DNAJC21: variants seen among roughly 807,000 people sequenced by gnomAD.
The protein encoded by DNAJC21 is dnaJ homolog subfamily C member 21.
In DNAJC21, 63 loss-of-function variants were observed where a neutral mutation model predicts 72.4. The observed-to-expected ratio is 0.87, with a 90% CI of 0.71 to 1.07. DNAJC21 has a LOEUF of 1.07. Among genes scored for constraint, DNAJC21 ranks in the 50% least tolerant of loss-of-function variants. The pLI is 0.00. For synonymous variants in DNAJC21, 203 were observed against 216.7 expected (o/e 0.94, Z 0.56); for missense variants, 634 against 644.8 (o/e 0.98, Z 0.18).
In DNAJC21 at chr5:34,955,522, A is replaced by G. The variant is rs1400445309; in HGVS notation, c.*808A>G. 1 of 142,990 alleles carries G rather than the reference A, an allele frequency of 7.0e-6. No individual in the cohort carries two copies. The highest frequency in any genetic ancestry group is 2.0e-4 in the East Asian group (1 of 4,938). The allele number at this position is 142,990 out of a possible 1,614,324, so 8.9% of individuals were successfully genotyped here. A position where few individuals can be genotyped will look rare whatever the true frequency, so the allele number is the denominator to read the frequency against. On this transcript the variant is annotated 3_prime_UTR_variant, in exon 12 of 12. Coordinates refer to ENST00000648817, the MANE Select transcript of DNAJC21 (RefSeq NM_001012339.3). ...TGTTCTTCATTGAGTTTTTTTCTTC[A>G]CTATTTTCAGAAGTTTTTGTTCTTT...
At chr5:34,930,150 C>T (rs558850987) in intron 1 of DNAJC21, 26 of 325,748 alleles carry the variant, frequency 8.0e-5, no homozygotes, top group Non-Finnish European at 1.4e-4. Context: ...GACCCCGGCC[C>T]CGCATCGCCA....
chr5:34,947,545 AAG>A (rs1765209602), intron 9 of DNAJC21, among the ~76,000 whole-genome samples: 1 of 151,464 alleles, frequency 6.6e-6, no homozygotes, highest in African/African-American at 2.4e-5. Flanking sequence ...TATTTTTTCT[AAG>A]AGGTTTGTTA....
chr5:34,954,398 A>AC (rs1466620768), intron 11 of DNAJC21, among the ~76,000 whole-genome samples, 155 bp from the exon 12 acceptor site: 1 of 152,198 alleles, frequency 6.6e-6, no homozygotes, highest in Non-Finnish European at 1.5e-5. Context: ...ACCTCCAAGA[A>AC]CATCTGCCTT....
intron 9 of DNAJC21, 86 bp from the exon 10 acceptor site, chr5:34,950,084 G>A (rs1561191567): frequency 2.8e-6 from 4 of 1,404,836 alleles, no homozygotes; most frequent in South Asian, 3.1e-5. Flanking sequence ...TTTCCCGAAG[G>A]TATATAACTA....
rs1190868129 is a variant in DNAJC21 at position 34,937,411 on chromosome 5, CT to C, written c.526del (p.Ser176GlnfsTer32). The C allele has an allele frequency of 6.2e-7, 1 of 1,613,962 alleles. No individual in the cohort carries two copies. The highest frequency in any genetic ancestry group is 8.5e-7 in the Non-Finnish European group (1 of 1,180,034). On this transcript the variant is annotated frameshift_variant, in exon 5 of 12. Coordinates refer to ENST00000648817, the MANE Select transcript of DNAJC21 (RefSeq NM_001012339.3). LOFTEE classifies it high-confidence loss of function. ...AAGGAAGAATATGATACACGACAGG[CT>C]TCAAACCGCTGGGAAAAACGAGCCA... The part of the protein sequence containing the change: ...AWKEEYDTRQ[A>X]SNRWEKRAME...
chr5:34,943,872 T>C (rs1198563748), intron 7 of DNAJC21, among the ~76,000 whole-genome samples: 3 of 152,218 alleles, frequency 2.0e-5, no homozygotes, highest in African/African-American at 7.2e-5. Flanking sequence ...CTCAAATTTT[T>C]CCAGAATTGG....
chr5:34,944,837 G>T (rs369012836), intron 7 of DNAJC21, 30 bp from the exon 8 acceptor site: 19 of 1,610,038 alleles, frequency 1.2e-5, no homozygotes, highest in Admixed American at 6.8e-5. Flanking sequence ...TAATTTTAGC[G>T]CAGCTGCTCA....
intron 5 of DNAJC21, among the ~76,000 whole-genome samples, 180 bp from the exon 6 acceptor site, chr5:34,938,678 C>T (rs1204683019): frequency 6.6e-6 from 1 of 152,198 alleles, no homozygotes; most frequent in Non-Finnish European, 1.5e-5. Flanking sequence ...ATTAACCATA[C>T]AACAGGTAAC....
At position 34,955,613 on chromosome 5, in the gene DNAJC21, C is replaced by G. The variant is rs1050684729; in HGVS notation, c.*899C>G. ...GAAAGATTTTGTGATAGAGCTGATGCTTATACATCTATTCTATAACAGTGA... is the reference window on the plus strand; with the variant it reads ...GAAAGATTTTGTGATAGAGCTGATGGTTATACATCTATTCTATAACAGTGA... On this transcript the variant is annotated 3_prime_UTR_variant, in exon 12 of 12. Transcript: ENST00000648817. 1.3e-5 allele frequency: 2 copies of G among 151,506 alleles called. No individual in the cohort carries two copies. Among genetic ancestry groups the G allele is most frequent in the Non-Finnish European group, 2.9e-5 (2 of 67,964 alleles). 9.4% of individuals were successfully genotyped at this position (151,506 alleles called of 1,614,324 possible).
At chr5:34,941,026 A>T in intron 6 of DNAJC21, 70 bp from the exon 7 acceptor site, 6 of 1,244,300 alleles carry the variant, frequency 4.8e-6, no homozygotes, top group Non-Finnish European at 1.1e-6. Context: ...TTTAATTTCT[A>T]ATTTGTTAGC....
At position 34,944,893 on chromosome 5, in the gene DNAJC21, A is replaced by G. The variant is rs771908306; in HGVS notation, c.1010A>G (p.Lys337Arg). 1 of 1,614,202 alleles carries G rather than the reference A, an allele frequency of 6.2e-7. No homozygotes were observed. Among genetic ancestry groups the G allele is most frequent in the Non-Finnish European group, 8.5e-7 (1 of 1,180,032 alleles). ...ATGAAGAATCACGAGAAGTCAAAGA[A>G]GCATCGGGAAATGGTGGCCTTGCTA... is the stretch of plus-strand genomic sequence containing the variant. ...KAMKNHEKSK[K>R]HREMVALLKQ... The change falls in exon 8 of 12, where the codon AAG becomes AGG. Residue 337 changes from lysine to arginine, a missense_variant. Lys to Arg is a conservative substitution (Grantham distance 26, BLOSUM62 2). Coordinates refer to ENST00000648817, the MANE Select transcript of DNAJC21 (RefSeq NM_001012339.3).
rs759788720 is a variant in DNAJC21 at position 34,935,695 on chromosome 5, A to G, written c.192-15A>G. Reference sequence around the variant, plus strand: ...TTATTCAGCCTTCACAATGATGCTAATTTTTGTTTTTCAGGTATGATAATC... The same window carrying G: ...TTATTCAGCCTTCACAATGATGCTAGTTTTTGTTTTTCAGGTATGATAATC... On this transcript the variant is annotated splice_polypyrimidine_tract_variant and intron_variant, in intron 2 of 11. Coordinates refer to ENST00000648817, the MANE Select transcript of DNAJC21 (RefSeq NM_001012339.3). 1.9e-6 allele frequency: 3 copies of G among 1,613,670 alleles called. No homozygotes were observed. Among genetic ancestry groups the G allele is most frequent in the South Asian group, 1.1e-5 (1 of 91,064 alleles).
Position 34,939,025 on chromosome 5 carries a change from T to C in DNAJC21, c.895+16T>C. The C allele has an allele frequency of 6.6e-7, 1 of 1,506,034 alleles. No individual in the cohort carries two copies. Among genetic ancestry groups the C allele is most frequent in the Non-Finnish European group, 8.8e-7 (1 of 1,130,292 alleles). 93.3% of individuals were successfully genotyped at this position (1,506,034 alleles called of 1,614,324 possible). A position where few individuals can be genotyped will look rare whatever the true frequency, so the allele number is the denominator to read the frequency against. Reference sequence around the variant, plus strand: ...GAGGAGGATGGTAATATTATTTTTATTTTATTTATCTTTTTTGTTTTTTAA... The same window carrying C: ...GAGGAGGATGGTAATATTATTTTTACTTTATTTATCTTTTTTGTTTTTTAA... On this transcript the variant is annotated intron_variant, in intron 6 of 11. Coordinates refer to ENST00000648817, the MANE Select transcript of DNAJC21 (RefSeq NM_001012339.3).
rs1580535607 is a variant in DNAJC21, at chr5:34,945,668, A to G, written c.1143-93A>G. 20 of 1,052,354 alleles carry G rather than the reference A, an allele frequency of 1.9e-5. No homozygotes were observed. In the East Asian group the frequency reaches 5.2e-4, roughly 27 times the overall value. The allele number at this position is 1,052,354 out of a possible 1,614,324, so 65.2% of individuals were successfully genotyped here. A position where few individuals can be genotyped will look rare whatever the true frequency, so the allele number is the denominator to read the frequency against. Reference sequence around the variant, plus strand: ...ATTTTTAATCTTTTACTTCTGTTTTACTACTTTATCACTAGTGTTTCAACT... The same window carrying G: ...ATTTTTAATCTTTTACTTCTGTTTTGCTACTTTATCACTAGTGTTTCAACT... On this transcript the variant is annotated intron_variant, in intron 8 of 11. Coordinates refer to ENST00000648817, the MANE Select transcript of DNAJC21 (RefSeq NM_001012339.3).
intron 1 of DNAJC21, among the ~76,000 whole-genome samples, chr5:34,932,498 C>G (rs1764631981): frequency 6.6e-6 from 1 of 151,830 alleles, no homozygotes; most frequent in Non-Finnish European, 1.5e-5. Flanking sequence ...TATTAGTTGT[C>G]TATTGCTGTG....
chr5:34,954,105 G>A (rs988860913), intron 11 of DNAJC21, 104 bp downstream of exon 11: 1 of 1,023,006 alleles, frequency 9.8e-7, no homozygotes, highest in Non-Finnish European at 1.4e-6. Flanking sequence ...TCCGCAAAGA[G>A]CCTGCAAAGA....
chr5:34,942,161 A>G (rs1037683924), intron 7 of DNAJC21, among the ~76,000 whole-genome samples: 2 of 151,942 alleles, frequency 1.3e-5, no homozygotes, highest in Non-Finnish European at 2.9e-5. Context: ...TCCCTCCATC[A>G]TTGGTGTCAG....
At chr5:34,950,539 G>A (rs1765328959) in intron 10 of DNAJC21, 197 bp downstream of exon 10, 1 of 1,228,404 alleles carries the variant, frequency 8.1e-7, no homozygotes, top group South Asian at 2.8e-5. Flanking sequence ...AGAGGAATGT[G>A]CCCACACACA....
At chr5:34,943,751 C>A (rs1464461992) in intron 7 of DNAJC21, among the ~76,000 whole-genome samples, 2 of 152,188 alleles carry the variant, frequency 1.3e-5, no homozygotes, top group Non-Finnish European at 2.9e-5. Flanking sequence ...TCAGTTAGCA[C>A]TTGGCCTTCT....
Sources: gnomAD v4.1 joint callset for allele counts (sites outside exome capture counted in the v4.1 genomes callset) on GRCh38, gnomAD v4.1.1 for gene constraint, MANE v1.5 for transcripts, NCBI Gene and HGNC (gene_info 2026-07-23, HGNC 2026-07-21) for gene names.